The following RIN2 variants were observed in gnomAD, a reference collection of about 807,000 sequenced individuals.
RIN2 encodes the protein RAB5 interacting protein 2.
A neutral mutation model predicts 78.0 loss-of-function variants in RIN2; 36 were observed. The observed-to-expected ratio is 0.46, with a 90% CI of 0.35 to 0.61. The LOEUF (loss-of-function observed/expected upper bound fraction) is 0.61. Among genes scored for constraint, RIN2 ranks in the 20% least tolerant of loss-of-function variants. The pLI is 0.00. For missense variants in RIN2, 1,087 were observed against 1,159.7 expected (o/e 0.94, Z 0.91); for synonymous variants, 466 against 466.8 (o/e 1.00, Z 0.02).
At chr20:19,801,056 A>G (rs1237281043) in intron 2 of RIN2, among the ~76,000 whole-genome samples, 1 of 152,194 alleles carries the variant, frequency 6.6e-6, no homozygotes, top group Non-Finnish European at 1.5e-5. Context: ...CTTGCAGAGT[A>G]AGAGCAATAA....
chr20:19,886,477 T>A, intron 2 of RIN2: 1 of 522,012 alleles, frequency 1.9e-6, no homozygotes, highest in Non-Finnish European at 3.4e-6. Context: ...ACTTCCTGCC[T>A]TTGTCCATTA....
chr20:19,974,801 A>T lies in RIN2; in HGVS notation c.776A>T (p.Glu259Val). The stretch of plus-strand genomic sequence containing the variant: ...TCTATCAAAACCAGGACGCCTTCAG[A>T]GCTGGAGTGCAGCCAGACCAACGGG... ...VHSIKTRTPS[E>V]LECSQTNGAL... Residue 259 changes from glutamate to valine, a missense_variant, in exon 9 of 13, where the codon GAG becomes GTG. Glu to Val is a moderately radical substitution (Grantham distance 121, BLOSUM62 -2). Around this residue, in one of 8 missense-constraint regions of RIN2, gnomAD observed 706 missense variants for 667.5 expected, o/e 1.06. Transcript: ENST00000255006. 1 of 1,614,014 alleles carries T rather than the reference A, an allele frequency of 6.2e-7. No homozygotes were observed. Among genetic ancestry groups the T allele is most frequent in the Non-Finnish European group, 8.5e-7 (1 of 1,179,892 alleles).
At chr20:19,986,444 CT>C in intron 9 of RIN2, among the ~76,000 whole-genome samples, 1 of 152,242 alleles carries the variant, frequency 6.6e-6, no homozygotes, top group African/African-American at 2.4e-5. Context: ...CTAGCAATTA[CT>C]TTTTCATTTT....
chr20:19,981,383 C>T (rs1303302793), intron 9 of RIN2, among the ~76,000 whole-genome samples: 1 of 152,182 alleles, frequency 6.6e-6, no homozygotes, highest in African/African-American at 2.4e-5. Context: ...GGTTTCTGCC[C>T]TGTAAAATTA....
rs191950072 is a variant in RIN2 at position 19,777,492 on chromosome 20, T to C, written c.-163+19165T>C. ...CTCCAGTTACTATAAAACTGACCCATGGGATTTAATAGGCTTTTATAAATT... is the reference window on the plus strand; with the variant it reads ...CTCCAGTTACTATAAAACTGACCCACGGGATTTAATAGGCTTTTATAAATT... On this transcript the variant is annotated intron_variant, in intron 1 of 12. Transcript: ENST00000255006. Among the ~76,000 whole-genome samples the C allele has an allele frequency of 3.4e-3, 518 of 152,346 alleles. 5 individuals carry two copies. The highest frequency in any genetic ancestry group is 0.012 in the African/African-American group (498 of 41,574).
At chr20:19,953,914 C>G (rs1384826809) in intron 4 of RIN2, among the ~76,000 whole-genome samples, 1 of 152,184 alleles carries the variant, frequency 6.6e-6, no homozygotes, top group Non-Finnish European at 1.5e-5. Context: ...AGAAACTATT[C>G]TTTTTGGCAC....
chr20:19,940,781 C>T (rs1348449381), intron 4 of RIN2, among the ~76,000 whole-genome samples: 1 of 152,212 alleles, frequency 6.6e-6, no homozygotes, highest in Non-Finnish European at 1.5e-5. Flanking sequence ...GGTAGGCTCA[C>T]CAGGCCTGAG....
At chr20:19,775,834 T>G (rs6046309) in intron 1 of RIN2, among the ~76,000 whole-genome samples, 5,754 of 152,330 alleles carry the variant, frequency 0.038, 404 homozygotes, top group African/African-American at 0.13. Context: ...ATTGCTTAGC[T>G]GAGTATGGGA....
At chr20:19,967,548 A>T (rs2041977751) in intron 7 of RIN2, among the ~76,000 whole-genome samples, 1 of 152,254 alleles carries the variant, frequency 6.6e-6, no homozygotes, top group South Asian at 2.1e-4. Context: ...GAATTCACGA[A>T]TCAATAAACA....
Position 19,856,545 on chromosome 20 carries a change from A to AG in RIN2, c.-36-33021_-36-33020insG, listed in dbSNP as rs1160615639. 4.0e-5 allele frequency among the ~76,000 whole-genome samples: 6 copies of AG among 150,278 alleles called. No individual in the cohort carries two copies. In the East Asian group the frequency reaches 5.9e-4, roughly 15 times the overall value. ...GAGACTTTGTCTCAGAAAAAAAAAA[A>AG]AGAGAGAGGGAGAGAAAGGGAGGAA... On this transcript the variant is annotated intron_variant, in intron 2 of 12. Coordinates refer to ENST00000255006, the MANE Select transcript of RIN2 (RefSeq NM_018993.4).
chr20:19,904,674 C>A (rs1445280260), intron 3 of RIN2, among the ~76,000 whole-genome samples: 3 of 152,186 alleles, frequency 2.0e-5, no homozygotes, highest in African/African-American at 7.2e-5. Context: ...GGCAGGATGC[C>A]AGTCATGCCA....
In RIN2 at chr20:19,990,147, A is replaced by G. The variant is rs767135541; in HGVS notation, c.1904A>G (p.Asn635Ser). The G allele has an allele frequency of 2.2e-5, 35 of 1,603,264 alleles. No individual in the cohort carries two copies. The highest frequency in any genetic ancestry group is 2.6e-5 in the Non-Finnish European group (30 of 1,175,076). ...KENLQLVRQR[N>S]PQELGVFAPT... The stretch of plus-strand genomic sequence containing the variant: ...AACCTGCAGCTTGTGCGGCAGAGGA[A>G]TCCGCAGGAGCTGGGGGTCTTCGCC... The change falls in exon 10 of 13, where the codon AAT becomes AGT. Residue 635 changes from asparagine (N) to serine (S), a missense_variant. Coordinates refer to ENST00000255006, the MANE Select transcript of RIN2 (RefSeq NM_018993.4).
intron 2 of RIN2, among the ~76,000 whole-genome samples, chr20:19,828,685 G>A (rs984570131): frequency 2.6e-5 from 4 of 152,076 alleles, no homozygotes; most frequent in Non-Finnish European, 5.9e-5. Flanking sequence ...CAAAAGAAAA[G>A]AAAAAATATG....
chr20:19,797,548 C>G (rs1304308624), intron 1 of RIN2, among the ~76,000 whole-genome samples: 1 of 152,182 alleles, frequency 6.6e-6, no homozygotes, highest in African/African-American at 2.4e-5. Context: ...ACCCTGAATA[C>G]AGTGGGGCAG....
At chr20:19,913,389 C>G (rs965037377) in intron 3 of RIN2, among the ~76,000 whole-genome samples, 1 of 152,212 alleles carries the variant, frequency 6.6e-6, no homozygotes, top group East Asian at 1.9e-4. Context: ...CTCAAGCCAT[C>G]TTCCTGCCTT....
chr20:19,946,121 A>C (rs1213339046), intron 4 of RIN2, among the ~76,000 whole-genome samples: 1 of 152,216 alleles, frequency 6.6e-6, no homozygotes, highest in Non-Finnish European at 1.5e-5. Context: ...TGCCTAAAGC[A>C]GACCTTTTAT....
intron 3 of RIN2, among the ~76,000 whole-genome samples, chr20:19,913,999 G>A (rs1178096169): frequency 6.6e-6 from 1 of 152,198 alleles, no homozygotes; most frequent in African/African-American, 2.4e-5. Context: ...ATATGCACAC[G>A]TGCGTTGTGA....
chr20:19,979,427 G>A (rs2042377749), intron 9 of RIN2, among the ~76,000 whole-genome samples: 1 of 152,166 alleles, frequency 6.6e-6, no homozygotes, highest in Non-Finnish European at 1.5e-5. Context: ...TACCCTTAAA[G>A]TCAATTTCCA....
At chr20:19,880,919 A>G (rs1424645965) in intron 2 of RIN2, among the ~76,000 whole-genome samples, 1 of 152,230 alleles carries the variant, frequency 6.6e-6, no homozygotes, top group African/African-American at 2.4e-5. Context: ...CAGACCGAAC[A>G]TATGGCTTCC....
Sources: gnomAD v4.1 joint callset for allele counts (sites outside exome capture counted in the v4.1 genomes callset) on GRCh38, gnomAD v4.1.1 for gene constraint, gnomAD v4.1.1 regional missense constraint, MANE v1.5 for transcripts, NCBI Gene and HGNC (gene_info 2026-07-23, HGNC 2026-07-21) for gene names.